UNC13C: variants seen among roughly 807,000 people sequenced by gnomAD.
UNC13C encodes the protein protein unc-13 homolog C.
Under a neutral mutation model 245.4 loss-of-function variants are expected in UNC13C, and 174 were observed. The observed-to-expected ratio is 0.71, with a 90% CI of 0.63 to 0.80. The LOEUF (loss-of-function observed/expected upper bound fraction) is 0.80, where lower values mean the gene tolerates loss of function less well. UNC13C is among the 30% of genes least tolerant of loss of function. The pLI, the probability that UNC13C is intolerant of heterozygous loss-of-function variation, is 0.00. For synonymous variants in UNC13C, 992 were observed against 895.1 expected (o/e 1.11, Z -1.93); for missense variants, 2,829 against 2,602.9 (o/e 1.09, Z -1.89).
Position 54,237,632 on chromosome 15 carries a change from G to T in UNC13C, c.3170G>T (p.Arg1057Leu), listed in dbSNP as rs182809015. 2 of 1,612,028 alleles carry T rather than the reference G, an allele frequency of 1.2e-6. No individual in the cohort carries two copies. The highest frequency in any genetic ancestry group is 8.5e-7 in the Non-Finnish European group (1 of 1,179,200). The change falls in exon 7 of 33, where the codon CGG (arginine) becomes CTG (leucine). Residue 1057 changes from arginine (R) to leucine (L), a missense_variant. Physicochemically the swap from Arg to Leu is moderately radical, Grantham distance 102. Coordinates refer to ENST00000260323, the MANE Select transcript of UNC13C (RefSeq NM_001080534.3). Reference protein sequence around the residue: ...VRDVAMTLAARKSGLSLAMVI... With the variant: ...VRDVAMTLAALKSGLSLAMVI... ...TGTTTGTTTTAGACCCTGGCTGCCCGGAAATCTGGACTCTCCCTGGCTATG... is the reference window on the plus strand; with the variant it reads ...TGTTTGTTTTAGACCCTGGCTGCCCTGAAATCTGGACTCTCCCTGGCTATG...
At chr15:54,368,041 C>T (rs2039404611) in intron 17 of UNC13C, among the ~76,000 whole-genome samples, 1 of 152,110 alleles carries the variant, frequency 6.6e-6, no homozygotes, top group Non-Finnish European at 1.5e-5. Flanking sequence ...TAGGCTGAGA[C>T]TTTCAGGGTA....
Position 54,381,343 on chromosome 15 carries a change from T to C in UNC13C, c.4714-11705T>C, listed in dbSNP as rs2039719772. The stretch of plus-strand genomic sequence containing the variant: ...TTATATTAGCACCATACTGTTTTGG[T>C]TACTATGGCTTTGTAGTATATTTTG... On this transcript the variant is annotated intron_variant, in intron 17 of 32. Transcript: ENST00000260323. 2.0e-5 allele frequency among the ~76,000 whole-genome samples: 3 copies of C among 152,186 alleles called. No homozygotes were observed. The South Asian group carries it at 6.2e-4, about 32-fold the overall frequency.
At chr15:54,272,965 G>T (rs923297843) in intron 10 of UNC13C, among the ~76,000 whole-genome samples, 2 of 152,180 alleles carry the variant, frequency 1.3e-5, no homozygotes, top group Non-Finnish European at 2.9e-5. Context: ...AGGCAGGGGT[G>T]CAAGGTGCTA....
chr15:53,900,160 G>A, the UNC13C span, among the ~76,000 whole-genome samples: 2 of 151,626 alleles, frequency 1.3e-5, no homozygotes, highest in Admixed American at 1.3e-4. Context: ...AATTAATGAG[G>A]GACTAGAATG....
intron 1 of UNC13C, among the ~76,000 whole-genome samples, chr15:53,999,482 T>G (rs2140972138): frequency 6.6e-6 from 1 of 152,122 alleles, no homozygotes; most frequent in East Asian, 1.9e-4. Context: ...GTCTTTCAGT[T>G]CTGATATTGG....
At position 54,013,843 on chromosome 15, in the gene UNC13C, C is replaced by A; in HGVS notation, c.940C>A (p.His314Asn). 6.2e-7 allele frequency: 1 copy of A among 1,613,280 alleles called. No homozygotes were observed. The highest frequency in any genetic ancestry group is 1.1e-5 in the South Asian group (1 of 91,000). Reference sequence around the variant, plus strand: ...CCATGATTATATTAAGCACTTAGGTCATATGGGTAGCAAGGCAAGCCTGAG... The same window carrying A: ...CCATGATTATATTAAGCACTTAGGTAATATGGGTAGCAAGGCAAGCCTGAG... ...DIHDYIKHLG[H>N]MGSKASLRFL... Residue 314 changes from histidine (H) to asparagine (N), a missense_variant, in exon 2 of 33, where the codon CAT (histidine) becomes AAT (asparagine). By Grantham distance (68) the His-to-Asn change is moderately conservative. Transcript: ENST00000260323.
chr15:54,100,196 T>G (rs1320139979), intron 2 of UNC13C, among the ~76,000 whole-genome samples: 1 of 152,058 alleles, frequency 6.6e-6, no homozygotes, highest in African/African-American at 2.4e-5. Context: ...TGTAACAGTT[T>G]TCTCTATTTG....
In UNC13C at chr15:54,384,446, G is replaced by A. The variant is rs551256661; in HGVS notation, c.4714-8602G>A. On this transcript the variant is annotated intron_variant, in intron 17 of 32. Coordinates refer to ENST00000260323, the MANE Select transcript of UNC13C (RefSeq NM_001080534.3). ...TTCATTAAATGATGCTGGGGAAAAT[G>A]TATAACTATATCCAAAAGAATGAAA... Among the ~76,000 whole-genome samples the A allele has an allele frequency of 1.2e-3, 176 of 152,186 alleles. 1 individual carries two copies. Among genetic ancestry groups the A allele is most frequent in the African/African-American group, 4.0e-3 (165 of 41,542 alleles).
At chr15:54,242,120 T>C (rs926502363) in intron 7 of UNC13C, among the ~76,000 whole-genome samples, 1 of 152,204 alleles carries the variant, frequency 6.6e-6, no homozygotes, top group African/African-American at 2.4e-5. Flanking sequence ...TATGTTTTTC[T>C]GTGTTCTTGA....
chr15:54,001,841 C>T (rs918086372), intron 1 of UNC13C, among the ~76,000 whole-genome samples: 1 of 152,174 alleles, frequency 6.6e-6, no homozygotes, highest in Non-Finnish European at 1.5e-5. Context: ...TTCCTCTATA[C>T]CTTCCCCCAC....
chr15:53,953,841 C>T, the UNC13C span, among the ~76,000 whole-genome samples: 1 of 152,250 alleles, frequency 6.6e-6, no homozygotes, highest in Non-Finnish European at 1.5e-5. Context: ...CAAAACTCTC[C>T]TTGCTCTTCC....
At chr15:54,302,887 T>G (rs2037624428) in intron 13 of UNC13C, among the ~76,000 whole-genome samples, 1 of 152,116 alleles carries the variant, frequency 6.6e-6, no homozygotes, top group South Asian at 2.1e-4. Context: ...CTTTTCAAAG[T>G]TTACTGTTCA....
At position 54,406,410 on chromosome 15, in the gene UNC13C, C is replaced by G. The variant is rs572886; in HGVS notation, c.4848-8572C>G. On this transcript the variant is annotated intron_variant, in intron 18 of 32. Transcript: ENST00000260323. Reference sequence around the variant, plus strand: ...ATCAGAAAATCCTTTCTAGGTTTTACGTCTTGCTGCAGGGGAAAATCATAA... The same window carrying G: ...ATCAGAAAATCCTTTCTAGGTTTTAGGTCTTGCTGCAGGGGAAAATCATAA... Among the ~76,000 whole-genome samples, 396 of 152,176 alleles carry G rather than the reference C, an allele frequency of 2.6e-3. 2 individuals are homozygous for G. The highest frequency in any genetic ancestry group is 9.0e-3 in the African/African-American group (374 of 41,492).
chr15:54,176,320 C>T (rs993279289), intron 4 of UNC13C, among the ~76,000 whole-genome samples: 8 of 152,202 alleles, frequency 5.3e-5, no homozygotes, highest in African/African-American at 1.9e-4. Context: ...GAGCCAATTA[C>T]AGTGAAAGTA....
At chr15:54,504,664 C>T (rs930436651) in intron 22 of UNC13C, among the ~76,000 whole-genome samples, 2 of 152,100 alleles carry the variant, frequency 1.3e-5, no homozygotes, top group Admixed American at 6.6e-5. Context: ...TACATAAATC[C>T]GTGAAGTCAC....
intron 18 of UNC13C, among the ~76,000 whole-genome samples, chr15:54,399,442 C>T (rs1220315969): frequency 6.6e-6 from 1 of 151,854 alleles, no homozygotes; most frequent in Admixed American, 6.6e-5. Context: ...ACTGTCATGA[C>T]TTCATATTAC....
chr15:54,182,295 A>G (rs1226210846), intron 4 of UNC13C, among the ~76,000 whole-genome samples: 1 of 152,036 alleles, frequency 6.6e-6, no homozygotes, highest in Non-Finnish European at 1.5e-5. Context: ...AGACGATCAT[A>G]TGATTTTCAT....
the UNC13C span, among the ~76,000 whole-genome samples, chr15:53,899,474 T>G: frequency 6.6e-6 from 1 of 152,242 alleles, no homozygotes; most frequent in Non-Finnish European, 1.5e-5. Context: ...AGAATTACAT[T>G]CCAAACTTCT....
the UNC13C span, among the ~76,000 whole-genome samples, chr15:53,939,916 T>C: frequency 6.6e-6 from 1 of 151,996 alleles, no homozygotes; most frequent in Non-Finnish European, 1.5e-5. Context: ...TACAAGATGA[T>C]GGGTTTATAT....
Sources: allele counts gnomAD v4.1 joint callset (sites outside exome capture counted in the v4.1 genomes callset), GRCh38; gene constraint gnomAD v4.1.1; transcripts MANE v1.5; gene names NCBI Gene and HGNC (gene_info 2026-07-23, HGNC 2026-07-21).